Variants in IGFBP7 observed in about 807,000 individuals in gnomAD.
IGFBP7 encodes insulin like growth factor binding protein 7.
A neutral mutation model predicts 29.4 loss-of-function variants in IGFBP7; 31 were observed. The ratio of observed to expected loss-of-function variants is 1.05; its 90% CI spans 0.79 to 1.42. The LOEUF is 1.42. Among genes scored for constraint, IGFBP7 ranks in the 40% most tolerant of loss-of-function variants. The pLI is 0.00. For synonymous variants in IGFBP7, 172 were observed against 174.9 expected (o/e 0.98, Z 0.13); for missense variants, 393 against 395.5 (o/e 0.99, Z 0.05).
At position 57,030,790 on chromosome 4, in the gene IGFBP7, A is replaced by G. The variant is rs114437234; in HGVS notation, c.*527T>C. Reference sequence around the variant, plus strand: ...TAGCAGAATGTGTGTTCTCAGCTCCACTCATTTATTCATTATCTACAGTAC... The same window carrying G: ...TAGCAGAATGTGTGTTCTCAGCTCCGCTCATTTATTCATTATCTACAGTAC... On this transcript the variant is annotated 3_prime_UTR_variant, in exon 5 of 5. Transcript: ENST00000295666. The G allele has an allele frequency of 1.1e-3, 754 of 680,266 alleles. 4 individuals are homozygous for G. In the African/African-American group the frequency reaches 0.012, roughly 11 times the overall value. The allele number at this position is 680,266 out of a possible 1,614,324, so 42.1% of individuals were successfully genotyped here.
intron 1 of IGFBP7, among the ~76,000 whole-genome samples, chr4:57,106,449 G>C (rs1032964315): frequency 2.6e-5 from 4 of 152,098 alleles, no homozygotes; most frequent in Admixed American, 1.3e-4. Flanking sequence ...CTTCTACAGA[G>C]GCATGAAAGC....
chr4:57,100,577 A>AG (rs1725873694), intron 1 of IGFBP7, among the ~76,000 whole-genome samples: 1 of 152,260 alleles, frequency 6.6e-6, no homozygotes, highest in Non-Finnish European at 1.5e-5. Context: ...TTTTATGCGA[A>AG]TGAAAGAGCT....
At chr4:57,082,197 T>C (rs1725386855) in intron 1 of IGFBP7, among the ~76,000 whole-genome samples, 1 of 152,162 alleles carries the variant, frequency 6.6e-6, no homozygotes, top group Admixed American at 6.5e-5. Context: ...GAATCCTCTT[T>C]GTCTCTACAT....
chr4:57,033,530 T>C (rs1376515088), intron 2 of IGFBP7, among the ~76,000 whole-genome samples: 3 of 152,236 alleles, frequency 2.0e-5, no homozygotes, highest in Non-Finnish European at 2.9e-5. Context: ...TGTTTTAAAC[T>C]AATGTATTTT....
intron 2 of IGFBP7, among the ~76,000 whole-genome samples, chr4:57,034,765 G>A (rs1447175756): frequency 2.6e-5 from 4 of 151,978 alleles, no homozygotes; most frequent in Non-Finnish European, 5.9e-5. Flanking sequence ...TCCTGCTCTA[G>A]AAAAAATATC....
At chr4:57,047,892 G>A (rs778518097) in intron 1 of IGFBP7, among the ~76,000 whole-genome samples, 2 of 151,926 alleles carry the variant, frequency 1.3e-5, no homozygotes, top group African/African-American at 2.4e-5. Context: ...GTGCCACCAC[G>A]CCTGGCTAAA....
chr4:57,057,898 C>T (rs754575229), intron 1 of IGFBP7, among the ~76,000 whole-genome samples: 6 of 152,176 alleles, frequency 3.9e-5, no homozygotes, highest in Non-Finnish European at 7.3e-5. Flanking sequence ...GCTGAACTGA[C>T]ACTTGAAGAG....
chr4:57,044,562 C>T (rs1305569456), intron 1 of IGFBP7, among the ~76,000 whole-genome samples: 1 of 152,126 alleles, frequency 6.6e-6, no homozygotes, highest in Admixed American at 6.5e-5. Flanking sequence ...TTTCATTTTT[C>T]CTCCCCTAAA....
rs769179242 is a variant in IGFBP7, at chr4:57,031,291, A to T, written c.*26T>A. 3 of 1,591,724 alleles carry T rather than the reference A, an allele frequency of 1.9e-6. No individual in the cohort carries two copies. Among genetic ancestry groups the T allele is most frequent in the Non-Finnish European group, 2.6e-6 (3 of 1,161,560 alleles). ...TAGTTATCCATGACTACTTTTAACC[A>T]TGCAGACTAATAATATTCTGGAGGT... On this transcript the variant is annotated 3_prime_UTR_variant, in exon 5 of 5. Coordinates refer to ENST00000295666, the MANE Select transcript of IGFBP7 (RefSeq NM_001553.3).
chr4:57,070,657 C>G (rs529510653), intron 1 of IGFBP7, among the ~76,000 whole-genome samples: 3 of 152,204 alleles, frequency 2.0e-5, no homozygotes, highest in Non-Finnish European at 4.4e-5. Flanking sequence ...TTACTGCAGG[C>G]CTGAACCATA....
intron 1 of IGFBP7, among the ~76,000 whole-genome samples, chr4:57,080,499 A>G (rs1725341182): frequency 6.6e-6 from 1 of 152,132 alleles, no homozygotes; most frequent in African/African-American, 2.4e-5. Flanking sequence ...CTGAGTCCCC[A>G]TCTTCCCATT....
At chr4:57,089,278 T>A (rs1049008726) in intron 1 of IGFBP7, among the ~76,000 whole-genome samples, 2 of 152,368 alleles carry the variant, frequency 1.3e-5, no homozygotes, top group South Asian at 4.1e-4. Flanking sequence ...TTTTACTGCA[T>A]CTATCCATAT....
At chr4:57,067,295 A>G (rs1328035085) in intron 1 of IGFBP7, among the ~76,000 whole-genome samples, 1 of 152,210 alleles carries the variant, frequency 6.6e-6, no homozygotes, top group Non-Finnish European at 1.5e-5. Flanking sequence ...GTGAGCCTCT[A>G]TAACCTTAAA....
chr4:57,061,387 CA>C (rs1724796797), intron 1 of IGFBP7, among the ~76,000 whole-genome samples: 1 of 152,114 alleles, frequency 6.6e-6, no homozygotes, highest in African/African-American at 2.4e-5. Flanking sequence ...AGATTAACAA[CA>C]GCAACTAATA....
intron 1 of IGFBP7, among the ~76,000 whole-genome samples, chr4:57,042,773 TCTCTGGC>T (rs1338731823): frequency 1.2e-4 from 19 of 152,244 alleles, no homozygotes; most frequent in African/African-American, 3.6e-4. Flanking sequence ...TTTCCTGTGG[TCTCTGGC>T]TGCTAGAGCA....
At chr4:57,088,756 C>G (rs796560831) in intron 1 of IGFBP7, among the ~76,000 whole-genome samples, 1 of 152,010 alleles carries the variant, frequency 6.6e-6, no homozygotes, top group African/African-American at 2.4e-5. Flanking sequence ...TGGCTGGGCA[C>G]GGTGGCTCAC....
At chr4:57,048,058 CT>C (rs113555035) in intron 1 of IGFBP7, among the ~76,000 whole-genome samples, 13,679 of 144,370 alleles carry the variant, frequency 0.095, 713 homozygotes, top group African/African-American at 0.14. Context: ...CTCCGCCCCC[CT>C]TTTTTTTTTT....
chr4:57,103,037 C>G (rs1028603053), intron 1 of IGFBP7, among the ~76,000 whole-genome samples: 1 of 152,072 alleles, frequency 6.6e-6, no homozygotes, highest in Non-Finnish European at 1.5e-5. Flanking sequence ...TGAGCAGTCA[C>G]CGAATAAGAA....
At chr4:57,064,192 CA>C (rs1353746522) in intron 1 of IGFBP7, among the ~76,000 whole-genome samples, 1 of 152,092 alleles carries the variant, frequency 6.6e-6, no homozygotes, top group African/African-American at 2.4e-5. Flanking sequence ...AAAAAACACA[CA>C]AAAAATAAAA....
Sources: allele counts gnomAD v4.1 joint callset (sites outside exome capture counted in the v4.1 genomes callset), GRCh38; gene constraint gnomAD v4.1.1; transcripts MANE v1.5; gene names NCBI Gene and HGNC (gene_info 2026-07-23, HGNC 2026-07-21).